Variants in ZNHIT1 observed in about 807,000 individuals in gnomAD.
The protein encoded by ZNHIT1 is zinc finger HIT-type containing 1, also known as zinc finger HIT domain-containing protein 1.
In ZNHIT1, 20 loss-of-function variants were observed where a neutral mutation model predicts 21.4. That is an observed-to-expected ratio of 0.93 (90% CI 0.66 to 1.36). ZNHIT1 has a LOEUF of 1.36. Among genes scored for constraint, ZNHIT1 ranks in the 40% most tolerant of loss-of-function variants. The pLI, the probability that ZNHIT1 is intolerant of heterozygous loss-of-function variation, is 0.00. For synonymous variants in ZNHIT1, 79 were observed against 84.0 expected, an observed-to-expected ratio of 0.94 and a Z score of 0.32; for missense variants, 170 against 213.5, an observed-to-expected ratio of 0.80 and a Z score of 1.27.
chr7:101,218,540 T>C (rs917859980), intron 1 of ZNHIT1: 1 of 371,968 alleles, frequency 2.7e-6, no homozygotes, highest in Admixed American at 4.3e-5. Flanking sequence ...CCTTCCAAAG[T>C]GCTGGGATTA....
At chr7:101,220,750 G>A (rs1045484125) in intron 1 of ZNHIT1, 1 of 151,934 alleles carries the variant, frequency 6.6e-6, no homozygotes, top group Non-Finnish European at 1.5e-5. Flanking sequence ...GAGGAAAGAG[G>A]TTTTTTGTTT....
rs763158954 is a variant in ZNHIT1 at position 101,223,722 on chromosome 7, C to A, written c.323C>A (p.Pro108His). 1 of 1,612,992 alleles carries A rather than the reference C, an allele frequency of 6.2e-7. No homozygotes were observed. Among genetic ancestry groups the A allele is most frequent in the Non-Finnish European group, 8.5e-7 (1 of 1,179,532 alleles). ...GPNYLTACAGPPSRPQRPFCA... is the reference protein window; with the variant it reads ...GPNYLTACAGHPSRPQRPFCA... ...AACTACCTGACGGCCTGTGCGGGAC[C>A]CCCATCGCGGCCCCAGCGCCCCTTC... is the stretch of plus-strand genomic sequence containing the variant. The change falls in exon 4 of 5, where the codon CCC (proline) becomes CAC (histidine). Residue 108 changes from proline (P) to histidine (H), a missense_variant. Coordinates refer to ENST00000305105, the MANE Select transcript of ZNHIT1 (RefSeq NM_006349.3).
At chr7:101,218,442 T>C in intron 1 of ZNHIT1, 1 of 556,736 alleles carries the variant, frequency 1.8e-6, no homozygotes, top group Non-Finnish European at 3.1e-6. Context: ...CCTGGTTAAT[T>C]TTTAATTTGT....
chr7:101,222,829 T>C, intron 2 of ZNHIT1, 55 bp downstream of exon 2: 1 of 1,563,982 alleles, frequency 6.4e-7, no homozygotes, highest in South Asian at 1.2e-5. Flanking sequence ...GGCGGGAGAG[T>C]CCGCCCAACT....
At position 101,218,188 on chromosome 7, in the gene ZNHIT1, T is replaced by C; in HGVS notation, c.-8T>C. 1 of 1,613,238 alleles carries C rather than the reference T, an allele frequency of 6.2e-7. No individual in the cohort carries two copies. Among genetic ancestry groups the C allele is most frequent in the Non-Finnish European group, 8.5e-7 (1 of 1,179,408 alleles). Reference sequence around the variant, plus strand: ...GCAGCAGTTTCTTCCGACAGTTGTGTTGTGCCAATGGTGGAGAAGAAAACT... The same window carrying C: ...GCAGCAGTTTCTTCCGACAGTTGTGCTGTGCCAATGGTGGAGAAGAAAACT... On this transcript the variant is annotated 5_prime_UTR_variant, in exon 1 of 5. Transcript: ENST00000305105.
chr7:101,218,426 C>T (rs1358736360), intron 1 of ZNHIT1: 2 of 571,610 alleles, frequency 3.5e-6, no homozygotes, highest in East Asian at 3.0e-5. Flanking sequence ...AGCATGAGGC[C>T]CCACGCCTGG....
intron 1 of ZNHIT1, chr7:101,221,430 C>T (rs35082269): frequency 0.15 from 22,298 of 152,032 alleles, 1,795 homozygotes; most frequent in South Asian, 0.28. Flanking sequence ...GGCTATGCTG[C>T]CCAGGCTGGT....
At chr7:101,223,628 G>C in intron 3 of ZNHIT1, 45 bp from the exon 4 acceptor site, 3 of 1,613,310 alleles carry the variant, frequency 1.9e-6, no homozygotes, top group African/African-American at 1.3e-5. Flanking sequence ...TGTTCGCTGC[G>C]TGGGTGGGCG....
Position 101,218,173 on chromosome 7 carries a change from C to A in ZNHIT1, c.-23C>A. On this transcript the variant is annotated 5_prime_UTR_variant, in exon 1 of 5. Transcript: ENST00000305105. ...GGTTAGTACGCGTGCGCAGCAGTTT[C>A]TTCCGACAGTTGTGTTGTGCCAATG... 6.2e-7 allele frequency: 1 copy of A among 1,612,180 alleles called. No individual in the cohort carries two copies. The highest frequency in any genetic ancestry group is 8.5e-7 in the Non-Finnish European group (1 of 1,178,872).
At position 101,223,964 on chromosome 7, in the gene ZNHIT1, G is replaced by C. The variant is rs1798413864; in HGVS notation, c.*6G>C. The C allele has an allele frequency of 6.2e-7, 1 of 1,614,014 alleles. No homozygotes were observed. The highest frequency in any genetic ancestry group is 8.5e-7 in the Non-Finnish European group (1 of 1,180,034). On this transcript the variant is annotated 3_prime_UTR_variant, in exon 5 of 5. Transcript: ENST00000305105. ...GTCTGAAGTGGACTGTGTGAGCCTG[G>C]GCATTCCCAGAGAGGAAGGGCCGCT...
At chr7:101,222,572 C>T in intron 1 of ZNHIT1, 32 bp from the exon 2 acceptor site, 2 of 1,593,056 alleles carry the variant, frequency 1.3e-6, no homozygotes, top group Non-Finnish European at 1.7e-6. Context: ...TTCTTGGAAG[C>T]CCTGTAACTT....
rs991829310 is a variant in ZNHIT1, at chr7:101,224,122, T to C, written c.*164T>C. On this transcript the variant is annotated 3_prime_UTR_variant, in exon 5 of 5. Transcript: ENST00000305105. ...ATCTGCCAGGAAAGACCAGCCTCAC[T>C]CCTGGGAACTGTCTGGCAGGTAGGC... 9 of 1,066,344 alleles carry C rather than the reference T, an allele frequency of 8.4e-6. No individual in the cohort carries two copies. Among genetic ancestry groups the C allele is most frequent in the Non-Finnish European group, 1.1e-5 (8 of 735,182 alleles). The allele number at this position is 1,066,344 out of a possible 1,614,324, so 66.1% of individuals were successfully genotyped here.
intron 1 of ZNHIT1, 138 bp from the exon 2 acceptor site, chr7:101,222,466 G>A: frequency 9.6e-7 from 1 of 1,037,826 alleles, no homozygotes; most frequent in Non-Finnish European, 1.4e-6. Flanking sequence ...GAGACAAGGG[G>A]ACCAAGGGCT....
intron 1 of ZNHIT1, chr7:101,218,831 A>G (rs1798327160): frequency 6.5e-6 from 1 of 152,756 alleles, no homozygotes; most frequent in Non-Finnish European, 1.5e-5. Flanking sequence ...CATCTAGCCC[A>G]GGTTCTGGGA....
chr7:101,218,280 C>G (rs1036760830), intron 1 of ZNHIT1, 63 bp downstream of exon 1: 13 of 1,561,030 alleles, frequency 8.3e-6, no homozygotes, highest in African/African-American at 4.1e-5. Context: ...ATTTTCTTAC[C>G]TAGTCATTCC....
chr7:101,220,794 C>T (rs1798357609), intron 1 of ZNHIT1: 1 of 152,248 alleles, frequency 6.6e-6, no homozygotes, highest in Non-Finnish European at 1.5e-5. Context: ...CTCTGTTGCC[C>T]AGGCTGGAAT....
rs768588097 is a variant in ZNHIT1 at position 101,223,848 on chromosome 7, C to A, written c.443+6C>A. 6.2e-7 allele frequency: 1 copy of A among 1,614,022 alleles called. No homozygotes were observed. The highest frequency in any genetic ancestry group is 2.2e-5 in the East Asian group (1 of 44,878). ...GGGACCCACCAGGAGACCAGGTGAG[C>A]ATGAGACCTGCTGTCCACTCCCACT... On this transcript the variant is annotated splice_donor_region_variant and intron_variant, in intron 4 of 4. Transcript: ENST00000305105.
intron 3 of ZNHIT1, 46 bp downstream of exon 3, chr7:101,223,602 G>A: frequency 6.2e-7 from 1 of 1,614,046 alleles, no homozygotes; most frequent in Middle Eastern, 1.7e-4. Flanking sequence ...GAAGGGGTGA[G>A]CCTGGCCCGG....
chr7:101,223,511 TAAAC>T lies in ZNHIT1; in HGVS notation c.229_232del (p.Lys77PhefsTer16). The T allele has an allele frequency of 6.2e-7, 1 of 1,614,226 alleles. No homozygotes were observed. The highest frequency in any genetic ancestry group is 8.5e-7 in the Non-Finnish European group (1 of 1,180,034). ...AGAAGAAAACCCGAGGTGATCATTT[TAAAC>T]TTCGCTTCCGAAAAAACTTTCAGGC... On this transcript the variant is annotated frameshift_variant, in exon 3 of 5. Transcript: ENST00000305105. LOFTEE classifies it high-confidence loss of function.
Sources: allele counts gnomAD v4.1 joint callset, GRCh38; gene constraint gnomAD v4.1.1; transcripts MANE v1.5; gene names NCBI Gene and HGNC (gene_info 2026-07-23, HGNC 2026-07-21).